The following ADCY5 variants were observed in gnomAD, a reference collection of about 807,000 sequenced individuals.
The protein encoded by ADCY5 is adenylate cyclase type 5.
Under a neutral mutation model 119.7 loss-of-function variants are expected in ADCY5, and 30 were observed. The observed-to-expected ratio is 0.25, with a 90% CI of 0.19 to 0.34. The LOEUF is 0.34. Among genes scored for constraint, ADCY5 ranks in the 10% least tolerant of loss-of-function variants. The probability of loss-of-function intolerance (pLI) is 1.00; values close to 1 mark genes in which losing one functional copy is unlikely to be tolerated. For missense variants in ADCY5, 1,324 were observed against 1,775.2 expected, an observed-to-expected ratio of 0.75 and a Z score of 4.57; for synonymous variants, 753 against 762.2, an observed-to-expected ratio of 0.99 and a Z score of 0.20.
intron 1 of ADCY5, among the ~76,000 whole-genome samples, chr3:123,384,936 T>C (rs1338653985): frequency 6.6e-6 from 1 of 152,124 alleles, no homozygotes; most frequent in African/African-American, 2.4e-5. Flanking sequence ...TTCAGTCTCC[T>C]TGAAGTCCCT....
intron 12 of ADCY5, among the ~76,000 whole-genome samples, chr3:123,308,258 T>A (rs916769413): frequency 6.6e-6 from 1 of 151,694 alleles, no homozygotes; most frequent in African/African-American, 2.4e-5. Context: ...AGGATGGTCT[T>A]GATCTGCTGA....
Position 123,318,075 on chromosome 3 carries a change from A to G in ADCY5, c.2299T>C (p.Cys767Arg). Residue 767 changes from cysteine (C) to arginine (R), a missense_variant, in exon 11 of 21, where the codon TGT (cysteine) becomes CGT (arginine). Transcript: ENST00000462833. The stretch of plus-strand genomic sequence containing the variant: ...ATGAAGAGGAAGACGAGCGAGGCAC[A>G]CGCCACATAGGCACCAAATCGGTCG... ...VDDRFGAYVA[C>R]ASLVFLFICF... is the part of the protein sequence containing the mutation. The G allele has an allele frequency of 6.2e-7, 1 of 1,613,948 alleles. No individual in the cohort carries two copies. Among genetic ancestry groups the G allele is most frequent in the East Asian group, 2.2e-5 (1 of 44,844 alleles).
At chr3:123,441,298 G>C (rs1945717438) in intron 1 of ADCY5, among the ~76,000 whole-genome samples, 1 of 152,150 alleles carries the variant, frequency 6.6e-6, no homozygotes, top group Non-Finnish European at 1.5e-5. Flanking sequence ...AAACTTCCCA[G>C]GTGATTATGA....
chr3:123,338,555 G>C (rs1399363972), intron 3 of ADCY5, among the ~76,000 whole-genome samples: 1 of 152,236 alleles, frequency 6.6e-6, no homozygotes, highest in East Asian at 1.9e-4. Context: ...CAGACGTGCA[G>C]GAAGGTGCTA....
chr3:123,315,694 G>C (rs146243641), intron 11 of ADCY5, among the ~76,000 whole-genome samples: 413 of 152,232 alleles, frequency 2.7e-3, no homozygotes, highest in Non-Finnish European at 4.2e-3. Context: ...TCCCGCCTCA[G>C]CTTCCCGAGT....
chr3:123,397,471 T>C (rs746132271), intron 1 of ADCY5, among the ~76,000 whole-genome samples: 4 of 152,228 alleles, frequency 2.6e-5, no homozygotes, highest in African/African-American at 4.8e-5. Flanking sequence ...ACTCTGTCTC[T>C]ACAAAAAGTT....
intron 1 of ADCY5, among the ~76,000 whole-genome samples, chr3:123,370,607 G>C (rs933215032): frequency 2.6e-5 from 4 of 152,196 alleles, no homozygotes; most frequent in African/African-American, 9.7e-5. Flanking sequence ...CAACCCCATG[G>C]AACTGAATCA....
chr3:123,403,558 AG>A (rs1181126405), intron 1 of ADCY5, among the ~76,000 whole-genome samples: 1 of 152,166 alleles, frequency 6.6e-6, no homozygotes, highest in African/African-American at 2.4e-5. Flanking sequence ...GGAAAAACTC[AG>A]GGAGCATTGT....
At chr3:123,303,302 T>A in intron 13 of ADCY5, 83 bp from the exon 14 acceptor site, 2 of 1,418,638 alleles carry the variant, frequency 1.4e-6, no homozygotes, top group Non-Finnish European at 1.9e-6. Context: ...GGCCGCAGGC[T>A]CCCGCCTGTC....
At chr3:123,423,262 A>C (rs1945336031) in intron 1 of ADCY5, among the ~76,000 whole-genome samples, 1 of 152,230 alleles carries the variant, frequency 6.6e-6, no homozygotes, top group South Asian at 2.1e-4. Context: ...TCCACTGGCT[A>C]TCAGGCTTGT....
At chr3:123,330,062 C>T (rs778850253) in intron 5 of ADCY5, among the ~76,000 whole-genome samples, 1 of 152,216 alleles carries the variant, frequency 6.6e-6, no homozygotes, top group Non-Finnish European at 1.5e-5. Flanking sequence ...TATCTGAGCA[C>T]CAGGAGTCCT....
At chr3:123,313,015 C>CAGTGGAGAGG (rs1559797326) in intron 12 of ADCY5, among the ~76,000 whole-genome samples, 2 of 151,970 alleles carry the variant, frequency 1.3e-5, no homozygotes, top group African/African-American at 4.8e-5. Context: ...AGGCAGGGAA[C>CAGTGGAGAGG]CAGCTAACGT....
chr3:123,424,607 G>A (rs1038931013), intron 1 of ADCY5, among the ~76,000 whole-genome samples: 2 of 152,210 alleles, frequency 1.3e-5, no homozygotes, highest in African/African-American at 4.8e-5. Flanking sequence ...GCATTTCTGA[G>A]GAGGTGGCTG....
At chr3:123,396,520 AG>A in intron 1 of ADCY5, among the ~76,000 whole-genome samples, 2 of 84,094 alleles carry the variant, frequency 2.4e-5, no homozygotes, top group South Asian at 7.9e-4. Flanking sequence ...AGAAAGAAAG[AG>A]AGAGAGAAAG....
intron 1 of ADCY5, among the ~76,000 whole-genome samples, chr3:123,422,504 A>G (rs1372130390): frequency 6.6e-6 from 1 of 152,220 alleles, no homozygotes; most frequent in African/African-American, 2.4e-5. Context: ...CAAGGCTCTT[A>G]TATACAGGTA....
intron 1 of ADCY5, among the ~76,000 whole-genome samples, chr3:123,402,062 G>A (rs1255330556): frequency 6.6e-6 from 1 of 152,190 alleles, no homozygotes; most frequent in Non-Finnish European, 1.5e-5. Context: ...ACCCCTGAGA[G>A]CTTAAAGGTA....
intron 1 of ADCY5, among the ~76,000 whole-genome samples, chr3:123,443,044 C>T (rs919847852): frequency 5.3e-5 from 8 of 152,110 alleles, no homozygotes; most frequent in Non-Finnish European, 7.4e-5. Context: ...AGACAATACC[C>T]GGGCCTGTGG....
chr3:123,325,988 C>T (rs921047058), intron 7 of ADCY5, among the ~76,000 whole-genome samples: 7 of 152,208 alleles, frequency 4.6e-5, no homozygotes, highest in African/African-American at 1.7e-4. Flanking sequence ...TGTGGTGTCA[C>T]ATCAGGCTTT....
intron 1 of ADCY5, among the ~76,000 whole-genome samples, chr3:123,401,627 G>A (rs1576669183): frequency 6.6e-6 from 1 of 152,140 alleles, no homozygotes; most frequent in African/African-American, 2.4e-5. Context: ...AAAGGTCAAG[G>A]CAGCATTTCT....
Sources: gnomAD v4.1 joint callset for allele counts (sites outside exome capture counted in the v4.1 genomes callset) on GRCh38, gnomAD v4.1.1 for gene constraint, MANE v1.5 for transcripts, NCBI Gene and HGNC (gene_info 2026-07-23, HGNC 2026-07-21) for gene names.